CASKIN1: variants seen among roughly 807,000 people sequenced by gnomAD.
The protein encoded by CASKIN1 is CASK interacting protein 1.
A neutral mutation model predicts 117.5 loss-of-function variants in CASKIN1; 42 were observed. The observed-to-expected ratio is 0.36, with a 90% CI of 0.28 to 0.46. The LOEUF (loss-of-function observed/expected upper bound fraction) is 0.46. CASKIN1 is among the 20% of genes least tolerant of loss of function. The pLI, the probability that CASKIN1 is intolerant of heterozygous loss-of-function variation, is 1.00. For synonymous variants in CASKIN1, 1,148 were observed against 961.7 expected (o/e 1.19, Z -3.59); for missense variants, 2,083 against 2,077.3 (o/e 1.00, Z -0.05).
intron 16 of CASKIN1, among the ~76,000 whole-genome samples, chr16:2,183,029 CACCT>C (rs2093172902): frequency 6.6e-6 from 1 of 152,242 alleles, no homozygotes; most frequent in South Asian, 2.1e-4. Flanking sequence ...CCTCGTGATC[CACCT>C]ACCTCGGCCT....
At position 2,178,035 on chromosome 16, in the gene CASKIN1, C is replaced by T; in HGVS notation, c.*515G>A. 2.2e-6 allele frequency: 1 copy of T among 449,218 alleles called. No homozygotes were observed. The highest frequency in any genetic ancestry group is 2.1e-5 in the African/African-American group (1 of 48,402). The allele number at this position is 449,218 out of a possible 1,614,324, so 27.8% of individuals were successfully genotyped here. ...TCTATAGAATCAATAATATTTCTTT[C>T]TTTAAATATATATTTGTTAAAGTTA... is the stretch of plus-strand genomic sequence containing the variant. On this transcript the variant is annotated 3_prime_UTR_variant, in exon 20 of 20. Transcript: ENST00000343516.
rs1394452490 is a variant in CASKIN1, at chr16:2,183,737, G to A, written c.1538C>T (p.Ala513Val). The A allele has an allele frequency of 6.2e-7, 1 of 1,613,330 alleles. No homozygotes were observed. The highest frequency in any genetic ancestry group is 1.7e-5 in the Admixed American group (1 of 60,018). The change falls in exon 16 of 20, where the codon GCC becomes GTC. Residue 513 changes from alanine to valine, a missense_variant. By Grantham distance (64) the Ala-to-Val change is moderately conservative. This residue lies in a region of CASKIN1 where 1,818 missense variants were observed against 1,688.9 expected (regional missense o/e 1.08). Coordinates refer to ENST00000343516, the MANE Select transcript of CASKIN1 (RefSeq NM_020764.4). ...ISRMTPEDLT[A>V]IGVTKPGHRK... Reference sequence around the variant, plus strand: ...GTGGCCCGGCTTGGTGACACCAATGGCCGTGAGGTCCTAGGCAGTGGGGAG... The same window carrying A: ...GTGGCCCGGCTTGGTGACACCAATGACCGTGAGGTCCTAGGCAGTGGGGAG...
At chr16:2,190,733 G>A (rs981628058) in intron 1 of CASKIN1, among the ~76,000 whole-genome samples, 3 of 152,238 alleles carry the variant, frequency 2.0e-5, no homozygotes, top group African/African-American at 7.2e-5. Flanking sequence ...TGGTGGGAGG[G>A]AGAGAGCCGG....
At position 2,180,315 on chromosome 16, in the gene CASKIN1, C is replaced by T. The variant is rs374635440; in HGVS notation, c.3053G>A (p.Arg1018Gln). The T allele has an allele frequency of 3.3e-4, 526 of 1,594,034 alleles. 1 individual carries two copies. Among genetic ancestry groups the T allele is most frequent in the East Asian group, 2.0e-3 (90 of 44,244 alleles). ...LELSSIGGGG[R>Q]AARRPPEGHP... ...GCCCTCAGGAGGCCTGCGGGCAGCC[C>T]GGCCCCCACCCCCAATGGAGGACAG... Residue 1018 changes from arginine to glutamine, a missense_variant, in exon 18 of 20, where the codon CGG becomes CAG. Coordinates refer to ENST00000343516, the MANE Select transcript of CASKIN1 (RefSeq NM_020764.4).
chr16:2,190,554 C>A (rs115836010), intron 1 of CASKIN1, among the ~76,000 whole-genome samples, 196 bp from the exon 2 acceptor site: 2 of 152,220 alleles, frequency 1.3e-5, no homozygotes, highest in Non-Finnish European at 2.9e-5. Context: ...GCCAGCTGCT[C>A]GGGCCTTGGT....
rs746575777 is a variant in CASKIN1 at position 2,188,091 on chromosome 16, T to TG, written c.618-631dup. Among the ~76,000 whole-genome samples the TG allele has an allele frequency of 1.6e-3, 241 of 151,924 alleles. 1 individual carries two copies. Among genetic ancestry groups the TG allele is most frequent in the Non-Finnish European group, 2.8e-3 (187 of 67,936 alleles). On this transcript the variant is annotated intron_variant, in intron 6 of 19. Coordinates refer to ENST00000343516, the MANE Select transcript of CASKIN1 (RefSeq NM_020764.4). ...CTTTGTTTTTGTAAAGACCACGTCT[T>TG]GCTATGTTGCCCAGGCTGGTCTCAA...
rs977894086 is a variant in CASKIN1, at chr16:2,182,846, A to G, written c.1629+800T>C. 2.0e-5 allele frequency among the ~76,000 whole-genome samples: 3 copies of G among 152,234 alleles called. No individual in the cohort carries two copies. Among genetic ancestry groups the G allele is most frequent in the African/African-American group, 4.8e-5 (2 of 41,464 alleles). On this transcript the variant is annotated intron_variant, in intron 16 of 19. Transcript: ENST00000343516. This position sits in a 1 kb window ranked among gnomAD's most constrained non-coding sequence, Gnocchi z 4.1. ...CGCTCTGTCGCCCAGGCTGGAGTGC[A>G]GTGGCGCAATCTCGGCTCACTGCAA...
At chr16:2,194,377 C>A (rs374101056) in intron 1 of CASKIN1, among the ~76,000 whole-genome samples, 2 of 152,106 alleles carry the variant, frequency 1.3e-5, no homozygotes, top group Non-Finnish European at 2.9e-5. Context: ...CGTGCGGGCA[C>A]GGGAGGCTCC....
Position 2,179,831 on chromosome 16 carries a change from G to T in CASKIN1, c.3537C>A (p.Arg1179=). The change falls in exon 18 of 20, where the codon CGC becomes CGA. Residue 1179 remains arginine, a synonymous_variant. Coordinates refer to ENST00000343516, the MANE Select transcript of CASKIN1 (RefSeq NM_020764.4). This position sits in a 1 kb window ranked among gnomAD's most constrained non-coding sequence, Gnocchi z 5.8. The part of the protein sequence containing the change: ...VYHNGTGTVR[R]RPASEQAGPP... ...GCCCAGCCTGCTCCGAGGCCGGTCG[G>T]CGGCGCACGGTGCCAGTGCCATTAT... 1 of 1,598,130 alleles carries T rather than the reference G, an allele frequency of 6.3e-7. No homozygotes were observed.
In CASKIN1 at chr16:2,178,543, G is replaced by C. The variant is rs2093152290; in HGVS notation, c.*7C>G. On this transcript the variant is annotated 3_prime_UTR_variant, in exon 20 of 20. Coordinates refer to ENST00000343516, the MANE Select transcript of CASKIN1 (RefSeq NM_020764.4). ...GGGCGGCGCGGGAGGGCCCGGCCAG[G>C]CGGCGTTCACTCCAGCATGGCATCC... 1 of 1,574,952 alleles carries C rather than the reference G, an allele frequency of 6.3e-7. No individual in the cohort carries two copies. Among genetic ancestry groups the C allele is most frequent in the African/African-American group, 1.4e-5 (1 of 71,720 alleles).
At position 2,181,080 on chromosome 16, in the gene CASKIN1, GGCTTGCCAGGCACGGGGGGCACGCTGGC is replaced by G; in HGVS notation, c.2260_2287del (p.Ala754HisfsTer42). The G allele has an allele frequency of 6.7e-7, 1 of 1,485,354 alleles. No homozygotes were observed. The allele number at this position is 1,485,354 out of a possible 1,614,324, so 92.0% of individuals were successfully genotyped here. A position where few individuals can be genotyped will look rare whatever the true frequency, so the allele number is the denominator to read the frequency against. On this transcript the variant is annotated frameshift_variant, in exon 18 of 20. Transcript: ENST00000343516. LOFTEE classifies it high-confidence loss of function. ...AGTGCCTGGTGGGAGGACCTGCCGT[GGCTTGCCAGGCACGGGGGGCACGCTGGC>G]CCTCTTGATGCTGTGGCCGTGGCGG...
At chr16:2,189,857 C>A (rs576903306) in intron 3 of CASKIN1, among the ~76,000 whole-genome samples, 43 of 152,164 alleles carry the variant, frequency 2.8e-4, no homozygotes, top group African/African-American at 1.0e-3. Context: ...TGACCCCTGA[C>A]CCCAAGCCCA....
chr16:2,181,254 C>A lies in CASKIN1; in HGVS notation c.2114G>T (p.Ser705Ile). ...SLGGRARHMS[S>I]SQELLGDGPP... is the part of the protein sequence containing the mutation. ...CCCATCTCCCAGCAGCTCCTGCGAG[C>A]TGCTCATGTGCCGTGCCCGACCACC... Residue 705 changes from serine (S) to isoleucine (I), a missense_variant, in exon 18 of 20, where the codon AGC becomes ATC. Ser to Ile is a moderately radical substitution (Grantham distance 142, BLOSUM62 -2). Coordinates refer to ENST00000343516, the MANE Select transcript of CASKIN1 (RefSeq NM_020764.4). 1 of 1,599,348 alleles carries A rather than the reference C, an allele frequency of 6.3e-7. No homozygotes were observed.
intron 6 of CASKIN1, 144 bp downstream of exon 6, chr16:2,188,883 G>A: frequency 1.7e-6 from 2 of 1,187,056 alleles, no homozygotes; most frequent in Non-Finnish European, 2.3e-6. Flanking sequence ...GGGCCCTGGA[G>A]GCCATGCCAG....
Position 2,185,149 on chromosome 16 carries a change from C to T in CASKIN1, c.1201G>A (p.Gly401Arg), listed in dbSNP as rs779604457. The stretch of plus-strand genomic sequence containing the variant: ...GAGCCCGCGTGTAGGGCGTGACCCC[C>T]GCTGCCCCGGCCGCCAGCCATGCCG... ...ISGMAGGRGS[G>R]GHALHAGSEG... The change falls in exon 12 of 20, where the codon GGG (glycine) becomes AGG (arginine). Residue 401 changes from glycine (G) to arginine (R), a missense_variant. Physicochemically the swap from Gly to Arg is moderately radical, Grantham distance 125. This residue lies in a region of CASKIN1 where 1,818 missense variants were observed against 1,688.9 expected (regional missense o/e 1.08). Coordinates refer to ENST00000343516, the MANE Select transcript of CASKIN1 (RefSeq NM_020764.4). 68 of 1,608,794 alleles carry T rather than the reference C, an allele frequency of 4.2e-5. No individual in the cohort carries two copies. Among genetic ancestry groups the T allele is most frequent in the African/African-American group, 5.3e-5 (4 of 74,920 alleles).
In CASKIN1 at chr16:2,177,477, C is replaced by CGAT. The variant is rs2093143085; in HGVS notation, c.*1070_*1072dup. 1 of 233,026 alleles carries CGAT rather than the reference C, an allele frequency of 4.3e-6. No homozygotes were observed. The highest frequency in any genetic ancestry group is 5.6e-5 in the Admixed American group (1 of 17,900). 14.4% of individuals were successfully genotyped at this position (233,026 alleles called of 1,614,324 possible). On this transcript the variant is annotated 3_prime_UTR_variant, in exon 20 of 20. Transcript: ENST00000343516. Reference sequence around the variant, plus strand: ...GCCCAACACTGTGGATCAGCAAACACGATAGAGGAGACCAGTCAGTACTTC... The same window carrying CGAT: ...GCCCAACACTGTGGATCAGCAAACACGATGATAGAGGAGACCAGTCAGTACTTC...
Position 2,182,208 on chromosome 16 carries a change from C to T in CASKIN1, c.1630-279G>A, listed in dbSNP as rs946376690. ...GGGCAGAAGAAGGCACTTTCCCACC[C>T]GGCCAGGCAGCCACGAGTACAGCAC... On this transcript the variant is annotated intron_variant, in intron 16 of 19. Coordinates refer to ENST00000343516, the MANE Select transcript of CASKIN1 (RefSeq NM_020764.4). The surrounding 1 kb of genome is among the most constrained non-coding windows in gnomAD (Gnocchi z 4.1). Among the ~76,000 whole-genome samples the T allele has an allele frequency of 3.3e-5, 5 of 152,184 alleles. No individual in the cohort carries two copies. Among genetic ancestry groups the T allele is most frequent in the South Asian group, 4.1e-4 (2 of 4,832 alleles).
In CASKIN1 at chr16:2,184,864, C is replaced by G; in HGVS notation, c.1329G>C (p.Val443=). The G allele has an allele frequency of 1.3e-6, 2 of 1,571,602 alleles. No homozygotes were observed. The highest frequency in any genetic ancestry group is 1.7e-6 in the Non-Finnish European group (2 of 1,156,722). Residue 443 remains valine (V), a synonymous_variant, in exon 14 of 20, where the codon GTG becomes GTC. Coordinates refer to ENST00000343516, the MANE Select transcript of CASKIN1 (RefSeq NM_020764.4). ...GGGCCACTGGAGGCTGGGACCGGGCCACACCTGAGGACGAGAGTGGGTGGG... is the reference window on the plus strand; with the variant it reads ...GGGCCACTGGAGGCTGGGACCGGGCGACACCTGAGGACGAGAGTGGGTGGG... The part of the protein sequence containing the change: ...PAKPPEGSAG[V]ARSQPPVAHA...
At position 2,181,862 on chromosome 16, in the gene CASKIN1, C is replaced by G; in HGVS notation, c.1697G>C (p.Gly566Ala). ...GGTGATGAAATCAATGTTCTCGTAGCCATTGTCCACCAACACCTTGTAGTA... is the reference window on the plus strand; with the variant it reads ...GGTGATGAAATCAATGTTCTCGTAGGCATTGTCCACCAACACCTTGTAGTA... ...AQYYKVLVDN[G>A]YENIDFITDI... Residue 566 changes from glycine to alanine, a missense_variant, in exon 17 of 20, where the codon GGC becomes GCC. Coordinates refer to ENST00000343516, the MANE Select transcript of CASKIN1 (RefSeq NM_020764.4). 6.2e-7 allele frequency: 1 copy of G among 1,613,846 alleles called. No individual in the cohort carries two copies. The highest frequency in any genetic ancestry group is 8.5e-7 in the Non-Finnish European group (1 of 1,180,006).
Sources: allele counts gnomAD v4.1 joint callset (sites outside exome capture counted in the v4.1 genomes callset), GRCh38; gene constraint gnomAD v4.1.1; regional missense constraint gnomAD v4.1.1; non-coding constraint Gnocchi (gnomAD v3.1); transcripts MANE v1.5; gene names NCBI Gene and HGNC (gene_info 2026-07-23, HGNC 2026-07-21).